The following MYH11 variants were observed in gnomAD, a reference collection of about 807,000 sequenced individuals.
MYH11 encodes myosin heavy chain 11.
Under a neutral mutation model 246.6 loss-of-function variants are expected in MYH11, and 80 were observed. That is an observed-to-expected ratio of 0.32 (90% CI 0.27 to 0.39). The LOEUF (loss-of-function observed/expected upper bound fraction) is 0.39, where lower values mean the gene tolerates loss of function less well. Among genes scored for constraint, MYH11 ranks in the 10% least tolerant of loss-of-function variants. The pLI, the probability that MYH11 is intolerant of heterozygous loss-of-function variation, is 1.00. For missense variants in MYH11, 2,158 were observed against 2,546.8 expected (o/e 0.85, Z 3.29); for synonymous variants, 1,071 against 1,015.5 (o/e 1.05, Z -1.04).
chr16:15,776,954 G>A (rs559932371), intron 7 of MYH11, among the ~76,000 whole-genome samples: 1 of 152,254 alleles, frequency 6.6e-6, no homozygotes, highest in East Asian at 1.9e-4. Context: ...GCATGATGGT[G>A]CGGGATGATG....
intron 26 of MYH11, among the ~76,000 whole-genome samples, chr16:15,733,700 G>A (rs779689103): frequency 1.8e-4 from 27 of 151,658 alleles, no homozygotes; most frequent in Non-Finnish European, 3.1e-4. Flanking sequence ...CCACCACCAC[G>A]CCCGGCTAAT....
At chr16:15,706,820 C>A (rs183967680) in intron 40 of MYH11, among the ~76,000 whole-genome samples, 38 of 152,328 alleles carry the variant, frequency 2.5e-4, no homozygotes, top group African/African-American at 8.7e-4. Context: ...ACTGGAAAAG[C>A]TTAATGGATA....
rs777252807 is a variant in MYH11 at position 15,763,836 on chromosome 16, C to G, written c.1089G>C (p.Lys363Asn). The G allele has an allele frequency of 4.6e-6, 7 of 1,507,252 alleles. No individual in the cohort carries two copies. The highest frequency in any genetic ancestry group is 6.3e-6 in the Non-Finnish European group (7 of 1,117,320). 93.4% of individuals were successfully genotyped at this position (1,507,252 alleles called of 1,614,324 possible). ...TGGACGCCTGGTCTGTGTTTCTTTC[C>G]TTCTTGAAGACGATATTTCCAAGCT... ...VLQLGNIVFK[K>N]ERNTDQASMP... Residue 363 changes from lysine to asparagine, a missense_variant, in exon 10 of 41, where the codon AAG becomes AAC. Around this residue, in one of 11 missense-constraint regions of MYH11, gnomAD observed 317 missense variants for 507.7 expected, o/e 0.62. Coordinates refer to ENST00000300036, the MANE Select transcript of MYH11 (RefSeq NM_002474.3).
rs8053011 is a variant in MYH11, at chr16:15,759,268, G to A, written c.1401+308C>T. On this transcript the variant is annotated intron_variant, in intron 12 of 40. Coordinates refer to ENST00000300036, the MANE Select transcript of MYH11 (RefSeq NM_002474.3). The stretch of plus-strand genomic sequence containing the variant: ...GAGCTGTGGCAGCCATCTTGCCCCC[G>A]TGAGGGGAGAGCCTGCTTGAGAATG... Among the ~76,000 whole-genome samples the A allele has an allele frequency of 0.058, 8,581 of 146,970 alleles. 845 individuals carry two copies. The highest frequency in any genetic ancestry group is 0.2 in the African/African-American group (8,075 of 39,714).
rs533364078 is a variant in MYH11 at position 15,814,403 on chromosome 16, A to G, written c.502+8852T>C. Among the ~76,000 whole-genome samples the G allele has an allele frequency of 1.2e-4, 18 of 151,636 alleles. No homozygotes were observed. In the South Asian group the frequency reaches 3.1e-3, roughly 26 times the overall value. ...CCCCATCTCTATTTAAAATACAAAA[A>G]TTAGCCGGGTGTGGTGGCGGATGCC... On this transcript the variant is annotated intron_variant, in intron 3 of 40. Transcript: ENST00000300036.
At chr16:15,792,601 G>A (rs1045809467) in intron 4 of MYH11, 5 of 152,132 alleles carry the variant, frequency 3.3e-5, no homozygotes, top group African/African-American at 4.8e-5. Flanking sequence ...AAGTGGGTGC[G>A]GCTGTGTTTC....
rs375302438 is a variant in MYH11, at chr16:15,782,385, G to A, written c.726C>T (p.Phe242=). 30 of 1,613,714 alleles carry A rather than the reference G, an allele frequency of 1.9e-5. No homozygotes were observed. The highest frequency in any genetic ancestry group is 8.3e-5 in the Admixed American group (5 of 60,014). ...KTVKNDNSSR[F]GKFIRINFDV... is the part of the protein sequence containing the mutation. Reference sequence around the variant, plus strand: ...AAATCCATGTGGCTTTGCTACTTACGAATCGTGAGGAGTTGTCGTTCTTCA... The same window carrying A: ...AAATCCATGTGGCTTTGCTACTTACAAATCGTGAGGAGTTGTCGTTCTTCA... Residue 242 remains phenylalanine (F), a splice_region_variant and synonymous_variant, in exon 6 of 41, where the codon TTC becomes TTT. Transcript: ENST00000300036.
chr16:15,830,309 G>C lies in MYH11; in HGVS notation c.346-6898C>G, dbSNP rs370569068. Among the ~76,000 whole-genome samples the C allele has an allele frequency of 8.5e-5, 13 of 152,286 alleles. No homozygotes were observed. The East Asian group carries it at 2.3e-3, about 27-fold the overall frequency. On this transcript the variant is annotated intron_variant, in intron 2 of 40. Coordinates refer to ENST00000300036, the MANE Select transcript of MYH11 (RefSeq NM_002474.3). ...TTTCTAAATACCCAACCTAGAGACA[G>C]ACGTGGTCCACCAAGCACGTGCTTT...
chr16:15,770,463 G>A (rs1401507619), intron 9 of MYH11, among the ~76,000 whole-genome samples: 3 of 152,122 alleles, frequency 2.0e-5, no homozygotes, highest in South Asian at 2.1e-4. Context: ...ACAGTGTCCC[G>A]ACCAAGAATT....
chr16:15,766,066 G>C (rs1458150345), intron 9 of MYH11, among the ~76,000 whole-genome samples: 2 of 152,056 alleles, frequency 1.3e-5, no homozygotes, highest in Non-Finnish European at 2.9e-5. Flanking sequence ...GTCAGTGGTG[G>C]TTACCCTGAC....
intron 10 of MYH11, 97 bp from the exon 11 acceptor site, chr16:15,760,755 G>A (rs1035349718): frequency 4.3e-5 from 38 of 884,548 alleles, no homozygotes; most frequent in South Asian, 1.2e-4. Context: ...TGAATACAGC[G>A]GGTTCTCTTG....
At chr16:15,779,160 G>T in intron 6 of MYH11, 1 of 433,396 alleles carries the variant, frequency 2.3e-6, no homozygotes. Context: ...ACAAGGTTTT[G>T]CTCTGTCAGC....
At chr16:15,790,938 T>TG (rs1310616333) in intron 4 of MYH11, 1 of 150,864 alleles carries the variant, frequency 6.6e-6, no homozygotes, top group African/African-American at 2.4e-5. Flanking sequence ...ATAAACGCTC[T>TG]GCATTTTTTT....
At chr16:15,720,587 G>GAAA (rs79015002) in intron 33 of MYH11, among the ~76,000 whole-genome samples, 1 of 138,774 alleles carries the variant, frequency 7.2e-6, no homozygotes. Context: ...TGTCTCCACT[G>GAAA]AAAAAAAAAA....
At chr16:15,781,230 T>C (rs2042346062) in intron 6 of MYH11, among the ~76,000 whole-genome samples, 1 of 152,192 alleles carries the variant, frequency 6.6e-6, no homozygotes, top group Admixed American at 6.5e-5. Context: ...TCATTATGAA[T>C]TGTCTTATGT....
Position 15,721,064 on chromosome 16 carries a change from C to T in MYH11, c.4579-13G>A, listed in dbSNP as rs181115969. The T allele has an allele frequency of 1.5e-3, 2,486 of 1,613,274 alleles. 50 individuals are homozygous for T. The South Asian group carries it at 0.022, about 14-fold the overall frequency. Reference sequence around the variant, plus strand: ...CCAGCTCATGGACCTGCCGGCAGAGCGGGCAGCCCCATTCTATGAGGCTCA... The same window carrying T: ...CCAGCTCATGGACCTGCCGGCAGAGTGGGCAGCCCCATTCTATGAGGCTCA... On this transcript the variant is annotated splice_polypyrimidine_tract_variant and intron_variant, in intron 32 of 40. Coordinates refer to ENST00000300036, the MANE Select transcript of MYH11 (RefSeq NM_002474.3).
chr16:15,767,813 G>A (rs2042016249), intron 9 of MYH11, among the ~76,000 whole-genome samples: 1 of 151,920 alleles, frequency 6.6e-6, no homozygotes, highest in African/African-American at 2.4e-5. Context: ...AGTGAGACAA[G>A]CCAAGGAAAA....
intron 19 of MYH11, among the ~76,000 whole-genome samples, chr16:15,747,109 A>AAAGG (rs780355094): frequency 5.3e-5 from 8 of 152,108 alleles, no homozygotes; most frequent in Admixed American, 3.3e-4. Flanking sequence ...AAGGAAGAAG[A>AAAGG]AAGGAAGGAA....
intron 28 of MYH11, chr16:15,725,616 T>C (rs922120010): frequency 5.0e-6 from 2 of 403,954 alleles, no homozygotes; most frequent in Non-Finnish European, 8.7e-6. Context: ...ATATGAATGA[T>C]CTTGACACTG....
Sources: gnomAD v4.1 joint callset for allele counts (sites outside exome capture counted in the v4.1 genomes callset) on GRCh38, gnomAD v4.1.1 for gene constraint, gnomAD v4.1.1 regional missense constraint, MANE v1.5 for transcripts, NCBI Gene and HGNC (gene_info 2026-07-23, HGNC 2026-07-21) for gene names.